MYRIP: variants seen among roughly 807,000 people sequenced by gnomAD.
MYRIP encodes rab effector MyRIP.
A neutral mutation model predicts 98.0 loss-of-function variants in MYRIP; 49 were observed. The observed-to-expected ratio is 0.50, with a 90% CI of 0.40 to 0.63. MYRIP has a LOEUF of 0.63. Among genes scored for constraint, MYRIP ranks in the 30% least tolerant of loss-of-function variants. The pLI is 0.00. For missense variants in MYRIP, 1,004 were observed against 1,058.2 expected, an observed-to-expected ratio of 0.95 and a Z score of 0.71; for synonymous variants, 404 against 409.5, an observed-to-expected ratio of 0.99 and a Z score of 0.16.
Position 40,204,173 on chromosome 3 carries a change from T to A in MYRIP, c.1666-5681T>A, listed in dbSNP as rs1432486105. On this transcript the variant is annotated intron_variant, in intron 10 of 16. Transcript: ENST00000302541. The stretch of plus-strand genomic sequence containing the variant: ...ATATAAATATATAATATAATATTTA[T>A]ATATTATATAATATATAAATATTAT... Among the ~76,000 whole-genome samples, 23 of 56,922 alleles carry A rather than the reference T, an allele frequency of 4.0e-4. 1 individual carries two copies. The highest frequency in any genetic ancestry group is 1.5e-3 in the South Asian group (3 of 1,958). 37.3% of individuals were successfully genotyped at this position (56,922 alleles called of 152,430 possible).
chr3:40,005,043 C>T (rs143225665), intron 2 of MYRIP, among the ~76,000 whole-genome samples: 59 of 152,240 alleles, frequency 3.9e-4, no homozygotes, highest in Non-Finnish European at 7.8e-4. Flanking sequence ...TTTTCTGATT[C>T]TGCCTTAATT....
chr3:39,982,132 A>G lies in MYRIP; in HGVS notation c.111-61918A>G, dbSNP rs566441186. 3.3e-4 allele frequency among the ~76,000 whole-genome samples: 51 copies of G among 152,344 alleles called. 3 individuals are homozygous for G. In the South Asian group the frequency reaches 9.8e-3, roughly 29 times the overall value. Reference sequence around the variant, plus strand: ...TAAAGTGCTGAACAGAATGGCAGACAGAGCAAAGTTAGAGTCCTACTTATT... The same window carrying G: ...TAAAGTGCTGAACAGAATGGCAGACGGAGCAAAGTTAGAGTCCTACTTATT... On this transcript the variant is annotated intron_variant, in intron 2 of 16. Coordinates refer to ENST00000302541, the MANE Select transcript of MYRIP (RefSeq NM_015460.4).
At chr3:40,148,678 A>T (rs967113579) in intron 3 of MYRIP, among the ~76,000 whole-genome samples, 1 of 152,184 alleles carries the variant, frequency 6.6e-6, no homozygotes, top group African/African-American at 2.4e-5. Context: ...AGTTTAAATT[A>T]CTTTCAATAT....
intron 1 of MYRIP, among the ~76,000 whole-genome samples, chr3:39,814,866 A>G (rs908265530): frequency 6.6e-6 from 1 of 152,122 alleles, no homozygotes; most frequent in Non-Finnish European, 1.5e-5. Flanking sequence ...CCTTTTCACT[A>G]TTGATATGTT....
At chr3:40,117,750 A>G (rs1272009616) in intron 3 of MYRIP, among the ~76,000 whole-genome samples, 1 of 152,188 alleles carries the variant, frequency 6.6e-6, no homozygotes, top group East Asian at 1.9e-4. Context: ...GAAAAAATAA[A>G]TAACTTTAGA....
At position 40,182,227 on chromosome 3, in the gene MYRIP, A is replaced by G. The variant is rs1166185405; in HGVS notation, c.881A>G (p.Gln294Arg). 2 of 1,610,016 alleles carry G rather than the reference A, an allele frequency of 1.2e-6. No individual in the cohort carries two copies. Among genetic ancestry groups the G allele is most frequent in the African/African-American group, 2.7e-5 (2 of 74,734 alleles). Residue 294 changes from glutamine to arginine, a missense_variant, in exon 9 of 17, where the codon CAG (glutamine) becomes CGG (arginine). Physicochemically the swap from Gln to Arg is conservative, Grantham distance 43. Around this residue, in one of 3 missense-constraint regions of MYRIP, gnomAD observed 880 missense variants for 907.7 expected, o/e 0.97. Coordinates refer to ENST00000302541, the MANE Select transcript of MYRIP (RefSeq NM_015460.4). ...YRAPAALWRS[Q>R]SAFSITGEEA... ...CCTCTTTCCTTTCCACAGAGGTCCC[A>G]GTCTGCCTTCTCAATCACTGGAGAA... is the stretch of plus-strand genomic sequence containing the variant.
chr3:40,035,252 AAAAG>A (rs1020754714), intron 2 of MYRIP, among the ~76,000 whole-genome samples: 15 of 151,774 alleles, frequency 9.9e-5, no homozygotes, highest in African/African-American at 1.5e-4. Flanking sequence ...AAAAAAAAGA[AAAAG>A]AAATCAAAAC....
intron 1 of MYRIP, among the ~76,000 whole-genome samples, chr3:39,853,768 G>A (rs139288226): frequency 3.3e-5 from 5 of 151,962 alleles, no homozygotes; most frequent in Admixed American, 1.3e-4. Context: ...CTTAGGATCC[G>A]TCTATTTATT....
At position 40,258,315 on chromosome 3, in the gene MYRIP, T is replaced by G. The variant is rs1953665419; in HGVS notation, c.*149T>G. On this transcript the variant is annotated 3_prime_UTR_variant, in exon 17 of 17. Coordinates refer to ENST00000302541, the MANE Select transcript of MYRIP (RefSeq NM_015460.4). ...GCACCATTGCACAGGGCTGTCCTGATACCTCATCCAGAAAGCCGTCTCAGA... is the reference window on the plus strand; with the variant it reads ...GCACCATTGCACAGGGCTGTCCTGAGACCTCATCCAGAAAGCCGTCTCAGA... The G allele has an allele frequency of 1.2e-6, 1 of 845,852 alleles. No individual in the cohort carries two copies. The highest frequency in any genetic ancestry group is 1.9e-6 in the Non-Finnish European group (1 of 521,254). 52.4% of individuals were successfully genotyped at this position (845,852 alleles called of 1,614,324 possible).
intron 1 of MYRIP, among the ~76,000 whole-genome samples, chr3:39,848,464 T>G (rs1330003728): frequency 7.1e-6 from 1 of 140,980 alleles, no homozygotes; most frequent in African/African-American, 2.5e-5. Flanking sequence ...TTTGCTTATT[T>G]TGACTCCTCT....
chr3:40,254,226 C>T (rs1371732436), intron 16 of MYRIP, among the ~76,000 whole-genome samples: 2 of 152,026 alleles, frequency 1.3e-5, no homozygotes, highest in Non-Finnish European at 2.9e-5. Context: ...TGCCTTTCTC[C>T]GAAGGTGATT....
chr3:39,959,793 G>A (rs72870055), intron 2 of MYRIP, among the ~76,000 whole-genome samples: 10,564 of 152,050 alleles, frequency 0.069, 614 homozygotes, highest in East Asian at 0.2. Flanking sequence ...TAAATATTGT[G>A]TAACATATGT....
At chr3:39,875,915 T>C (rs1031456756) in intron 1 of MYRIP, among the ~76,000 whole-genome samples, 1 of 152,072 alleles carries the variant, frequency 6.6e-6, no homozygotes, top group Non-Finnish European at 1.5e-5. Flanking sequence ...TCTGTCTTGT[T>C]GATCTGTCTA....
intron 2 of MYRIP, among the ~76,000 whole-genome samples, chr3:39,932,400 G>T (rs1944561464): frequency 1.3e-5 from 2 of 151,586 alleles, no homozygotes; most frequent in African/African-American, 4.9e-5. Context: ...TCACTCTGTT[G>T]CCCAGGCTGG....
At chr3:40,096,298 G>C (rs1948834408) in intron 3 of MYRIP, among the ~76,000 whole-genome samples, 1 of 152,200 alleles carries the variant, frequency 6.6e-6, no homozygotes, top group Admixed American at 6.5e-5. Flanking sequence ...CACTGTGACA[G>C]CGGTGGGGAT....
intron 11 of MYRIP, among the ~76,000 whole-genome samples, chr3:40,214,937 C>T (rs545522383): frequency 1.4e-4 from 21 of 152,312 alleles, no homozygotes; most frequent in African/African-American, 5.1e-4. Context: ...TTTTCCAGGC[C>T]TGGACCAGCA....
chr3:39,847,981 T>C (rs779408662), intron 1 of MYRIP, among the ~76,000 whole-genome samples: 1 of 152,214 alleles, frequency 6.6e-6, no homozygotes, highest in Admixed American at 6.5e-5. Context: ...ATACTCATCG[T>C]AAGCACCTTC....
At chr3:40,144,245 C>T (rs1949968161) in intron 3 of MYRIP, among the ~76,000 whole-genome samples, 1 of 152,160 alleles carries the variant, frequency 6.6e-6, no homozygotes, top group African/African-American at 2.4e-5. Context: ...GTCAGATCTG[C>T]TTTTGAACCT....
chr3:40,162,593 G>T (rs1950419835), intron 4 of MYRIP, 137 bp from the exon 5 acceptor site: 3 of 669,302 alleles, frequency 4.5e-6, no homozygotes, highest in Non-Finnish European at 7.9e-6. Context: ...GACCTCATGA[G>T]TCCCTAAACC....
Sources: allele counts gnomAD v4.1 joint callset (sites outside exome capture counted in the v4.1 genomes callset), GRCh38; gene constraint gnomAD v4.1.1; regional missense constraint gnomAD v4.1.1; transcripts MANE v1.5; gene names NCBI Gene and HGNC (gene_info 2026-07-23, HGNC 2026-07-21).